DENND5A: variants seen among roughly 807,000 people sequenced by gnomAD.
DENND5A encodes DENN domain-containing protein 5A.
In DENND5A, 64 loss-of-function variants were observed where a neutral mutation model predicts 140.3. The ratio of observed to expected loss-of-function variants is 0.46; its 90% CI spans 0.37 to 0.56. DENND5A has a LOEUF of 0.56. Ranked by LOEUF, DENND5A falls within the 20% of genes least tolerant of loss-of-function variation. The pLI is 0.00. For missense variants in DENND5A, 1,292 were observed against 1,593.8 expected, an observed-to-expected ratio of 0.81 and a Z score of 3.22; for synonymous variants, 605 against 607.7, an observed-to-expected ratio of 1.00 and a Z score of 0.07.
At chr11:9,195,318 C>T (rs576512524) in intron 4 of DENND5A, among the ~76,000 whole-genome samples, 3 of 152,110 alleles carry the variant, frequency 2.0e-5, no homozygotes, top group Admixed American at 6.6e-5. Context: ...TCAGGTGATC[C>T]GCCTGCCTCG....
chr11:9,250,693 CA>C (rs1851680903), intron 1 of DENND5A, among the ~76,000 whole-genome samples: 1 of 152,172 alleles, frequency 6.6e-6, no homozygotes, highest in South Asian at 2.1e-4. Context: ...TGTAAAACTA[CA>C]AAGTCATTTA....
At chr11:9,223,255 C>T (rs932830472) in intron 1 of DENND5A, among the ~76,000 whole-genome samples, 3 of 152,070 alleles carry the variant, frequency 2.0e-5, no homozygotes, top group African/African-American at 2.4e-5. Context: ...AGGCTGGGTG[C>T]GGGGTCTCAC....
rs373049315 is a variant in DENND5A at position 9,193,559 on chromosome 11, G to A, written c.1072C>T (p.Pro358Ser). ...SLLHFLDAPVPYLMGLHSNGL... is the reference protein window; with the variant it reads ...SLLHFLDAPVSYLMGLHSNGL... ...TTGGAATGCAAACCCATCAGGTATG[G>A]AACAGGAGCATCTAAGAAATGCAGG... is the stretch of plus-strand genomic sequence containing the variant. The change falls in exon 5 of 23, where the codon CCA becomes TCA. Residue 358 changes from proline to serine, a missense_variant. Coordinates refer to ENST00000328194, the MANE Select transcript of DENND5A (RefSeq NM_015213.4). The A allele has an allele frequency of 7.4e-6, 12 of 1,614,052 alleles. No homozygotes were observed. In the South Asian group the frequency reaches 1.3e-4, roughly 18 times the overall value.
chr11:9,172,806 G>A (rs368534287), intron 8 of DENND5A, among the ~76,000 whole-genome samples: 6 of 152,074 alleles, frequency 3.9e-5, no homozygotes, highest in South Asian at 4.2e-4. Context: ...ACAGAGGAGC[G>A]ACATCTTTTT....
At chr11:9,243,557 T>G (rs1157345490) in intron 1 of DENND5A, among the ~76,000 whole-genome samples, 2 of 152,110 alleles carry the variant, frequency 1.3e-5, no homozygotes, top group African/African-American at 4.8e-5. Context: ...TAAAGACCTT[T>G]TAAATGATCC....
At chr11:9,228,213 T>A (rs947791060) in intron 1 of DENND5A, among the ~76,000 whole-genome samples, 2 of 151,940 alleles carry the variant, frequency 1.3e-5, no homozygotes, top group African/African-American at 4.8e-5. Context: ...ACAGCGTTTG[T>A]ATGCTAATGA....
chr11:9,198,548 T>C (rs1267058181), intron 4 of DENND5A, among the ~76,000 whole-genome samples: 5 of 151,540 alleles, frequency 3.3e-5, no homozygotes, highest in African/African-American at 1.2e-4. Flanking sequence ...GAGACAGAGG[T>C]TGCAGTGAGC....
intron 1 of DENND5A, among the ~76,000 whole-genome samples, chr11:9,257,198 C>T (rs1450135911): frequency 2.0e-5 from 3 of 151,844 alleles, no homozygotes; most frequent in Non-Finnish European, 2.9e-5. Context: ...TTAGTAGAGA[C>T]GGGGTTTCAT....
intron 1 of DENND5A, among the ~76,000 whole-genome samples, chr11:9,229,493 C>G (rs1850671820): frequency 1.3e-5 from 2 of 152,110 alleles, no homozygotes; most frequent in South Asian, 4.1e-4. Flanking sequence ...CAAAGCAAGT[C>G]ATAGAAACCA....
chr11:9,152,084 A>G (rs1022637640), intron 13 of DENND5A, among the ~76,000 whole-genome samples: 2 of 152,374 alleles, frequency 1.3e-5, no homozygotes, highest in African/African-American at 4.8e-5. Context: ...CCAGTACCAC[A>G]GTAAAACCCA....
At chr11:9,183,807 G>A (rs938792238) in intron 5 of DENND5A, among the ~76,000 whole-genome samples, 2 of 152,068 alleles carry the variant, frequency 1.3e-5, no homozygotes, top group Admixed American at 6.6e-5. Context: ...TTTGTTGTGT[G>A]TAGCCATACT....
intron 7 of DENND5A, 132 bp from the exon 8 acceptor site, chr11:9,178,498 A>C: frequency 1.6e-6 from 1 of 624,424 alleles, no homozygotes; most frequent in East Asian, 2.8e-5. Context: ...AAATCTCTAC[A>C]TTAAAAAAAA....
At chr11:9,240,693 G>C (rs1052999228) in intron 1 of DENND5A, among the ~76,000 whole-genome samples, 5 of 150,756 alleles carry the variant, frequency 3.3e-5, no homozygotes, top group African/African-American at 9.8e-5. Flanking sequence ...CTGGGCAACA[G>C]AGTGAGACCC....
chr11:9,147,949 G>T (rs1309234490), intron 15 of DENND5A, among the ~76,000 whole-genome samples: 2 of 152,212 alleles, frequency 1.3e-5, no homozygotes, highest in Non-Finnish European at 2.9e-5. Context: ...GACGGGTACA[G>T]AATTCAGAAC....
intron 1 of DENND5A, among the ~76,000 whole-genome samples, chr11:9,237,351 G>A (rs757385812): frequency 1.3e-5 from 2 of 151,802 alleles, no homozygotes; most frequent in Non-Finnish European, 2.9e-5. Flanking sequence ...GAACCCAGGA[G>A]GCAGAGGTTG....
chr11:9,187,575 C>A (rs1339325063), intron 5 of DENND5A, among the ~76,000 whole-genome samples: 1 of 152,174 alleles, frequency 6.6e-6, no homozygotes, highest in Non-Finnish European at 1.5e-5. Context: ...AGGAGTTCAA[C>A]ACACAGATGA....
chr11:9,227,209 T>TAAGC (rs58667202), intron 1 of DENND5A, among the ~76,000 whole-genome samples: 1 of 138,464 alleles, frequency 7.2e-6, no homozygotes, highest in Non-Finnish European at 1.5e-5. Context: ...AATAAATAAA[T>TAAGC]AAGCAAGCAA....
rs113209871 is a variant in DENND5A, at chr11:9,264,771, C to T, written c.109+190G>A. On this transcript the variant is annotated intron_variant, in intron 1 of 22. Coordinates refer to ENST00000328194, the MANE Select transcript of DENND5A (RefSeq NM_015213.4). ...GCGCAGCGGGCCGTAGGTTTGGACC[C>T]CTCATGGCTCAGAGCCCCTCATCCG... Among the ~76,000 whole-genome samples the T allele has an allele frequency of 3.6e-3, 542 of 152,286 alleles. 1 individual carries two copies. The highest frequency in any genetic ancestry group is 0.012 in the African/African-American group (518 of 41,576).
At chr11:9,220,021 C>G (rs1402349445) in intron 1 of DENND5A, among the ~76,000 whole-genome samples, 1 of 152,132 alleles carries the variant, frequency 6.6e-6, no homozygotes, top group East Asian at 1.9e-4. Flanking sequence ...AGCTTAATAC[C>G]TTACTCCTCA....
Sources: allele counts gnomAD v4.1 joint callset (sites outside exome capture counted in the v4.1 genomes callset), GRCh38; gene constraint gnomAD v4.1.1; transcripts MANE v1.5; gene names NCBI Gene and HGNC (gene_info 2026-07-23, HGNC 2026-07-21).